The following EBF2 variants were observed in gnomAD, a reference collection of about 807,000 sequenced individuals.
EBF2 encodes transcription factor COE2.
EBF2 carries 21 observed loss-of-function variants against 72.8 expected under a neutral mutation model. That is an observed-to-expected ratio of 0.29 (90% CI 0.20 to 0.42). The LOEUF is 0.42. Ranked by LOEUF, EBF2 falls within the 10% of genes least tolerant of loss-of-function variation. EBF2 has a pLI of 1.00. For missense variants in EBF2, 637 were observed against 731.2 expected, an observed-to-expected ratio of 0.87 and a Z score of 1.49; for synonymous variants, 299 against 274.2, an observed-to-expected ratio of 1.09 and a Z score of -0.89.
chr8:25,849,545 CTTG>C (rs758168618), intron 15 of EBF2, among the ~76,000 whole-genome samples: 1 of 152,134 alleles, frequency 6.6e-6, no homozygotes, highest in Non-Finnish European at 1.5e-5. Context: ...CCCAACCCTG[CTTG>C]TTGTAAATAT....
At chr8:25,923,065 G>T (rs1563401700) in intron 6 of EBF2, among the ~76,000 whole-genome samples, 1 of 152,116 alleles carries the variant, frequency 6.6e-6, no homozygotes, top group Non-Finnish European at 1.5e-5. Flanking sequence ...TCAGGGAGTT[G>T]CCAGGACTCA....
intron 6 of EBF2, among the ~76,000 whole-genome samples, chr8:26,016,399 C>T (rs1290291523): frequency 6.6e-6 from 1 of 152,228 alleles, no homozygotes; most frequent in African/African-American, 2.4e-5. Context: ...AACCCAGTTG[C>T]ATTCATTCAT....
chr8:26,017,174 C>T (rs940354620), intron 6 of EBF2, among the ~76,000 whole-genome samples: 6 of 150,096 alleles, frequency 4.0e-5, no homozygotes, highest in Non-Finnish European at 3.0e-5. Flanking sequence ...AAAAAAGACT[C>T]AAAGGGAAAA....
intron 6 of EBF2, among the ~76,000 whole-genome samples, chr8:25,945,871 G>C (rs564895609): frequency 1.3e-5 from 2 of 151,840 alleles, no homozygotes; most frequent in Non-Finnish European, 2.9e-5. Flanking sequence ...CTATTGAAAC[G>C]GTCTTTCATT....
chr8:25,996,832 A>C lies in EBF2; in HGVS notation c.551+36253T>G, dbSNP rs1171968178. 2.0e-5 allele frequency among the ~76,000 whole-genome samples: 3 copies of C among 152,318 alleles called. No individual in the cohort carries two copies. In the East Asian group the frequency reaches 5.8e-4, roughly 29 times the overall value. On this transcript the variant is annotated intron_variant, in intron 6 of 15. Transcript: ENST00000520164. Reference sequence around the variant, plus strand: ...AAGAGAACACAAAGGCAAGTACCTCATTAGTAATGAAAAACATTCAGAATT... The same window carrying C: ...AAGAGAACACAAAGGCAAGTACCTCCTTAGTAATGAAAAACATTCAGAATT...
intron 6 of EBF2, among the ~76,000 whole-genome samples, chr8:26,000,064 A>G (rs1804700171): frequency 6.6e-6 from 1 of 152,136 alleles, no homozygotes; most frequent in Non-Finnish European, 1.5e-5. Context: ...TGTAGACATC[A>G]CAATTTTATT....
intron 6 of EBF2, among the ~76,000 whole-genome samples, chr8:25,942,562 G>A (rs1759065913): frequency 1.3e-5 from 2 of 152,192 alleles, no homozygotes; most frequent in Non-Finnish European, 2.9e-5. Context: ...TTAGGTCACT[G>A]GGGCAGAGTC....
At chr8:25,858,258 C>T in intron 14 of EBF2, 61 bp downstream of exon 14, 1 of 1,594,578 alleles carries the variant, frequency 6.3e-7, no homozygotes, top group South Asian at 1.1e-5. Flanking sequence ...CCCAAAAGGC[C>T]CAATAGTAAA....
chr8:25,914,430 G>A (rs1803177763), intron 6 of EBF2, among the ~76,000 whole-genome samples: 1 of 152,162 alleles, frequency 6.6e-6, no homozygotes, highest in African/African-American at 2.4e-5. Flanking sequence ...GAAGTGCCCT[G>A]GATACATCTA....
chr8:25,848,641 C>T (rs1013288539), intron 15 of EBF2, among the ~76,000 whole-genome samples: 10 of 152,124 alleles, frequency 6.6e-5, no homozygotes, highest in African/African-American at 1.7e-4. Flanking sequence ...TCCACTTTCC[C>T]GTGAGAGAGG....
At chr8:25,922,170 A>C (rs1378919277) in intron 6 of EBF2, among the ~76,000 whole-genome samples, 1 of 152,162 alleles carries the variant, frequency 6.6e-6, no homozygotes, top group Non-Finnish European at 1.5e-5. Flanking sequence ...TTTATGTTGA[A>C]GTTTCAAAAG....
rs777243190 is a variant in EBF2, at chr8:25,889,836, G to A, written c.667C>T (p.His223Tyr). ...ATGTTGTCAGAAACAGCCAGGACGTGTCCATCCACATTCACCGTTGTTGAC... is the reference window on the plus strand; with the variant it reads ...ATGTTGTCAGAAACAGCCAGGACGTATCCATCCACATTCACCGTTGTTGAC... Reference protein sequence around the residue: ...VLSTTVNVDGHVLAVSDNMFV... With the variant: ...VLSTTVNVDGYVLAVSDNMFV... The change falls in exon 8 of 16, where the codon CAC becomes TAC. Residue 223 changes from histidine (H) to tyrosine (Y), a missense_variant. Coordinates refer to ENST00000520164, the MANE Select transcript of EBF2 (RefSeq NM_022659.4). 3 of 1,613,852 alleles carry A rather than the reference G, an allele frequency of 1.9e-6. No homozygotes were observed. Among genetic ancestry groups the A allele is most frequent in the Non-Finnish European group, 1.7e-6 (2 of 1,179,924 alleles).
At chr8:26,039,999 A>G (rs762505021) in intron 5 of EBF2, 29 bp downstream of exon 5, 1 of 1,610,842 alleles carries the variant, frequency 6.2e-7, no homozygotes. Flanking sequence ...CGGGCTCTCC[A>G]GGAAGGCCTG....
At chr8:25,895,111 T>C (rs1010130263) in intron 7 of EBF2, among the ~76,000 whole-genome samples, 7 of 152,318 alleles carry the variant, frequency 4.6e-5, no homozygotes, top group African/African-American at 1.4e-4. Flanking sequence ...CTGACACTGG[T>C]GACAGTTTTC....
chr8:26,001,797 C>T (rs1804730385), intron 6 of EBF2, among the ~76,000 whole-genome samples: 1 of 152,102 alleles, frequency 6.6e-6, no homozygotes, highest in Non-Finnish European at 1.5e-5. Flanking sequence ...GATCTGCCCG[C>T]CTCGGCCTCC....
Position 25,842,406 on chromosome 8 carries a change from T to G in EBF2, c.*2203A>C, listed in dbSNP as rs915416891. On this transcript the variant is annotated 3_prime_UTR_variant, in exon 16 of 16. Transcript: ENST00000520164. ...TTTTGAAGACAGTACTGCACTCATCTTCATGCAAAAGGAAAATTCACAGGT... is the reference window on the plus strand; with the variant it reads ...TTTTGAAGACAGTACTGCACTCATCGTCATGCAAAAGGAAAATTCACAGGT... 12 of 152,204 alleles carry G rather than the reference T, an allele frequency of 7.9e-5. No homozygotes were observed. Among genetic ancestry groups the G allele is most frequent in the Admixed American group, 5.9e-4 (9 of 15,274 alleles). The allele number at this position is 152,204 out of a possible 1,614,324, so 9.4% of individuals were successfully genotyped here. A position where few individuals can be genotyped will look rare whatever the true frequency, so the allele number is the denominator to read the frequency against.
At chr8:25,883,684 C>T (rs1206570328) in intron 10 of EBF2, among the ~76,000 whole-genome samples, 1 of 152,104 alleles carries the variant, frequency 6.6e-6, no homozygotes, top group African/African-American at 2.4e-5. Flanking sequence ...ATCAATTGCG[C>T]TACTGATTGA....
intron 10 of EBF2, among the ~76,000 whole-genome samples, chr8:25,883,584 A>G (rs1802638370): frequency 6.6e-6 from 1 of 152,158 alleles, no homozygotes; most frequent in African/African-American, 2.4e-5. Context: ...GGTTTGACCT[A>G]GGCACTGATA....
rs569415455 is a variant in EBF2 at position 25,963,473 on chromosome 8, C to A, written c.552-54918G>T. The stretch of plus-strand genomic sequence containing the variant: ...ATTAATGCTCTCAAGGATATTTTTG[C>A]AACAAAGCCCCGGTGCTGTCCTTGT... On this transcript the variant is annotated intron_variant, in intron 6 of 15. Transcript: ENST00000520164. Among the ~76,000 whole-genome samples the A allele has an allele frequency of 5.3e-5, 8 of 152,332 alleles. No homozygotes were observed. In the South Asian group the frequency reaches 1.7e-3, roughly 32 times the overall value.
Sources: allele counts gnomAD v4.1 joint callset (sites outside exome capture counted in the v4.1 genomes callset), GRCh38; gene constraint gnomAD v4.1.1; transcripts MANE v1.5; gene names NCBI Gene and HGNC (gene_info 2026-07-23, HGNC 2026-07-21).